Variants in SGCD observed in about 807,000 individuals in gnomAD.
SGCD encodes the protein delta-sarcoglycan.
SGCD carries 18 observed loss-of-function variants against 36.6 expected under a neutral mutation model. That is an observed-to-expected ratio of 0.49 (90% CI 0.34 to 0.73). The LOEUF (loss-of-function observed/expected upper bound fraction) is 0.73, where lower values mean the gene tolerates loss of function less well. Among genes scored for constraint, SGCD ranks in the 30% least tolerant of loss-of-function variants. The pLI, the probability that SGCD is intolerant of heterozygous loss-of-function variation, is 0.01. For missense variants in SGCD, 387 were observed against 346.7 expected (o/e 1.12, Z -0.92); for synonymous variants, 133 against 130.6 (o/e 1.02, Z -0.12).
chr5:156,071,475 A>C (rs1234167211), intron 1 of SGCD, among the ~76,000 whole-genome samples: 3 of 152,062 alleles, frequency 2.0e-5, no homozygotes, highest in Non-Finnish European at 2.9e-5. Flanking sequence ...TTCTAGTTTG[A>C]TTGCACTGTG....
intron 3 of SGCD, among the ~76,000 whole-genome samples, chr5:156,412,207 G>A (rs570548953): frequency 2.6e-4 from 39 of 152,350 alleles, no homozygotes; most frequent in African/African-American, 9.1e-4. Flanking sequence ...CTACCTGGGT[G>A]AGACACAGCA....
intron 1 of SGCD, among the ~76,000 whole-genome samples, chr5:156,109,820 A>G (rs1761741742): frequency 6.6e-6 from 1 of 151,998 alleles, no homozygotes; most frequent in Non-Finnish European, 1.5e-5. Context: ...CCTATGTCTG[A>G]CTCATTTGTC....
At chr5:155,956,803 C>G (rs941827597) in intron 1 of SGCD, among the ~76,000 whole-genome samples, 31 of 150,810 alleles carry the variant, frequency 2.1e-4, no homozygotes, top group African/African-American at 6.3e-4. Context: ...CAGGGCCCCC[C>G]CCCCCGGTTA....
intron 1 of SGCD, among the ~76,000 whole-genome samples, chr5:156,073,282 C>G (rs976222144): frequency 6.6e-6 from 1 of 152,138 alleles, no homozygotes; most frequent in South Asian, 2.1e-4. Flanking sequence ...CTCTCTCACC[C>G]AGGCCAGTCT....
the SGCD span, among the ~76,000 whole-genome samples, chr5:155,780,425 T>G: frequency 1.3e-5 from 2 of 152,320 alleles, no homozygotes; most frequent in East Asian, 3.9e-4. Context: ...GTAGCGGAAC[T>G]CCTGTCAGAG....
At chr5:156,152,331 A>T (rs1762852489) in intron 3 of SGCD, among the ~76,000 whole-genome samples, 1 of 151,660 alleles carries the variant, frequency 6.6e-6, no homozygotes, top group South Asian at 2.1e-4. Context: ...TGGGTCAGAG[A>T]GTGAAATAAA....
chr5:156,292,351 A>G (rs1173824509), intron 3 of SGCD, among the ~76,000 whole-genome samples: 1 of 152,090 alleles, frequency 6.6e-6, no homozygotes, highest in African/African-American at 2.4e-5. Context: ...AGTACCACGA[A>G]CAAGTGGGAT....
At chr5:155,795,933 A>G in the SGCD span, among the ~76,000 whole-genome samples, 1 of 152,208 alleles carries the variant, frequency 6.6e-6, no homozygotes, top group East Asian at 1.9e-4. Context: ...CTAAATTTGA[A>G]TGCACTCAGT....
upstream of SGCD, among the ~76,000 whole-genome samples, chr5:155,870,179 C>A (rs1020376089): frequency 6.6e-6 from 1 of 152,214 alleles, no homozygotes; most frequent in Admixed American, 6.5e-5. Flanking sequence ...TGGATTTGAA[C>A]CCCTAATTGC....
chr5:156,379,282 A>G (rs1770849945), intron 3 of SGCD, among the ~76,000 whole-genome samples: 1 of 152,148 alleles, frequency 6.6e-6, no homozygotes, highest in South Asian at 2.1e-4. Context: ...TCATTGGAGG[A>G]TTAGAGTTGA....
intron 3 of SGCD, among the ~76,000 whole-genome samples, chr5:156,152,469 A>G (rs1762855133): frequency 6.6e-6 from 1 of 151,686 alleles, no homozygotes; most frequent in Admixed American, 6.6e-5. Flanking sequence ...CTTGAAATGC[A>G]TATACCAAGT....
intron 5 of SGCD, 119 bp from the exon 6 acceptor site, chr5:156,594,813 T>C: frequency 1.5e-6 from 1 of 657,122 alleles, no homozygotes. Flanking sequence ...CATACAATCT[T>C]GTTAGATATG....
chr5:155,971,323 T>C (rs375988262), intron 1 of SGCD, among the ~76,000 whole-genome samples: 12 of 152,252 alleles, frequency 7.9e-5, no homozygotes, highest in African/African-American at 2.9e-4. Context: ...TCCATCTTTA[T>C]CTGATTCATT....
intron 7 of SGCD, among the ~76,000 whole-genome samples, chr5:156,692,849 T>C (rs1754170700): frequency 6.6e-6 from 1 of 152,250 alleles, no homozygotes; most frequent in Non-Finnish European, 1.5e-5. Context: ...CTGCAATTTG[T>C]ATGTACAAGT....
At chr5:155,833,345 A>G in the SGCD span, among the ~76,000 whole-genome samples, 1 of 152,208 alleles carries the variant, frequency 6.6e-6, no homozygotes, top group Admixed American at 6.5e-5. Context: ...AATATAATGG[A>G]TAGGAAAATC....
intron 1 of SGCD, among the ~76,000 whole-genome samples, chr5:156,035,344 C>T (rs1260454800): frequency 6.6e-6 from 1 of 152,168 alleles, no homozygotes; most frequent in Non-Finnish European, 1.5e-5. Flanking sequence ...CATGGTGGCT[C>T]ATGCCTTTAA....
chr5:156,443,756 G>A (rs1434615255), intron 3 of SGCD, among the ~76,000 whole-genome samples: 1 of 152,010 alleles, frequency 6.6e-6, no homozygotes, highest in East Asian at 1.9e-4. Context: ...AAATGAGGGG[G>A]TAATTTGTCA....
the SGCD span, among the ~76,000 whole-genome samples, chr5:155,823,064 A>ATC: frequency 1.6e-5 from 1 of 61,392 alleles, no homozygotes; most frequent in African/African-American, 4.8e-5. Flanking sequence ...ATATCTCTAT[A>ATC]TCTATCTATC....
At chr5:156,311,036 C>T (rs2127690396) in intron 3 of SGCD, among the ~76,000 whole-genome samples, 1 of 152,216 alleles carries the variant, frequency 6.6e-6, no homozygotes, top group East Asian at 1.9e-4. Context: ...GAAAGCCTAA[C>T]ATTGGAAGAA....
Sources: gnomAD v4.1 joint callset for allele counts (sites outside exome capture counted in the v4.1 genomes callset) on GRCh38, gnomAD v4.1.1 for gene constraint, MANE v1.5 for transcripts, NCBI Gene and HGNC (gene_info 2026-07-23, HGNC 2026-07-21) for gene names.